The following ANO4 variants were observed in gnomAD, a reference collection of about 807,000 sequenced individuals.
ANO4 encodes anoctamin-4.
Under a neutral mutation model 141.9 loss-of-function variants are expected in ANO4, and 69 were observed. The ratio of observed to expected loss-of-function variants is 0.49; its 90% confidence interval spans 0.40 to 0.59. The LOEUF (loss-of-function observed/expected upper bound fraction) is 0.59, where lower values mean the gene tolerates loss of function less well. ANO4 is among the 20% of genes least tolerant of loss of function. The pLI is 0.00. For missense variants in ANO4, 894 were observed against 1,162.2 expected, an observed-to-expected ratio of 0.77 and a Z score of 3.36; for synonymous variants, 350 against 394.3, an observed-to-expected ratio of 0.89 and a Z score of 1.33.
At chr12:100,800,088 G>T (rs749369037) in intron 1 of ANO4, among the ~76,000 whole-genome samples, 13 of 152,132 alleles carry the variant, frequency 8.5e-5, no homozygotes, top group Non-Finnish European at 1.9e-4. Context: ...GTTTATGCTT[G>T]TGTGGAAATG....
At chr12:101,040,553 C>G (rs1032246623) in intron 11 of ANO4, among the ~76,000 whole-genome samples, 16 of 152,258 alleles carry the variant, frequency 1.1e-4, no homozygotes, top group Non-Finnish European at 1.9e-4. Flanking sequence ...ATCTGCAGAT[C>G]AAAAAGTATA....
chr12:101,119,527 A>C (rs2050995739), intron 25 of ANO4, among the ~76,000 whole-genome samples: 1 of 152,162 alleles, frequency 6.6e-6, no homozygotes, highest in Non-Finnish European at 1.5e-5. Context: ...AAACAACCAT[A>C]ATATAGTCAC....
At chr12:100,871,727 C>T (rs1406818325) in intron 1 of ANO4, among the ~76,000 whole-genome samples, 2 of 152,150 alleles carry the variant, frequency 1.3e-5, no homozygotes, top group African/African-American at 4.8e-5. Context: ...CATACATAGC[C>T]ATCTTCTCAC....
Position 101,042,487 on chromosome 12 carries a change from T to A in ANO4, c.1154+19T>A, listed in dbSNP as rs757397169. 2 of 1,613,440 alleles carry A rather than the reference T, an allele frequency of 1.2e-6. No homozygotes were observed. Among genetic ancestry groups the A allele is most frequent in the Non-Finnish European group, 1.7e-6 (2 of 1,179,484 alleles). On this transcript the variant is annotated intron_variant, in intron 12 of 27. Coordinates refer to ENST00000392977, the MANE Select transcript of ANO4 (RefSeq NM_001286615.2). ...AAGTCAGGTACGGGGAGCTCTTGGA[T>A]GAGTTTGCCTTTGTTTAGTACTTAG...
At chr12:100,929,720 A>T (rs1415929961) in intron 3 of ANO4, among the ~76,000 whole-genome samples, 1 of 152,124 alleles carries the variant, frequency 6.6e-6, no homozygotes, top group Non-Finnish European at 1.5e-5. Flanking sequence ...ACTGATTTAC[A>T]TTCCCACCAG....
At chr12:101,001,306 A>T (rs943460451) in intron 8 of ANO4, among the ~76,000 whole-genome samples, 4 of 152,226 alleles carry the variant, frequency 2.6e-5, no homozygotes, top group African/African-American at 9.6e-5. Flanking sequence ...AGGAAACAAC[A>T]GTGGTGAGAG....
chr12:101,072,281 C>G (rs1423218006), intron 14 of ANO4, among the ~76,000 whole-genome samples: 1 of 152,126 alleles, frequency 6.6e-6, no homozygotes, highest in African/African-American at 2.4e-5. Flanking sequence ...CTTCTTAACT[C>G]TTTGTCCAAA....
intron 1 of ANO4, among the ~76,000 whole-genome samples, chr12:100,884,202 A>G (rs1174961677): frequency 6.6e-6 from 1 of 152,270 alleles, no homozygotes; most frequent in Non-Finnish European, 1.5e-5. Flanking sequence ...TAAAGATCTA[A>G]TTGCACCATT....
intron 5 of ANO4, among the ~76,000 whole-genome samples, chr12:100,952,685 A>T (rs1427123652): frequency 6.6e-6 from 1 of 152,172 alleles, no homozygotes; most frequent in East Asian, 1.9e-4. Context: ...TTGTTAGGGC[A>T]GTTTTATCAA....
intron 3 of ANO4, among the ~76,000 whole-genome samples, chr12:100,778,188 G>T (rs1021516954): frequency 6.6e-6 from 1 of 152,074 alleles, no homozygotes. Context: ...CAAAGTGCTG[G>T]GATTACAGGT....
At chr12:101,053,218 G>C (rs1295302229) in intron 14 of ANO4, among the ~76,000 whole-genome samples, 4 of 152,198 alleles carry the variant, frequency 2.6e-5, no homozygotes, top group Non-Finnish European at 2.9e-5. Flanking sequence ...GTTCACCCAA[G>C]AAGAGATATT....
At chr12:101,008,468 C>T (rs1029449583) in intron 8 of ANO4, among the ~76,000 whole-genome samples, 1 of 152,116 alleles carries the variant, frequency 6.6e-6, no homozygotes, top group Non-Finnish European at 1.5e-5. Context: ...CCCTACAATT[C>T]TTACTACAGT....
At chr12:101,005,881 G>A (rs77175910) in intron 8 of ANO4, among the ~76,000 whole-genome samples, 7,121 of 151,868 alleles carry the variant, frequency 0.047, 217 homozygotes, top group Non-Finnish European at 0.072. Context: ...CTTTTCTATA[G>A]CATCCTTTCT....
chr12:101,018,956 G>GA (rs777500097), intron 8 of ANO4, among the ~76,000 whole-genome samples: 52 of 148,948 alleles, frequency 3.5e-4, no homozygotes, highest in Non-Finnish European at 5.8e-4. Context: ...ACGAACAAAT[G>GA]AAAAAAAAAT....
Position 100,929,427 on chromosome 12 carries a change from A to G in ANO4, c.160+7097A>G, listed in dbSNP as rs181949935. ...CATAATGACCTCCAGTTCCATCCAT[A>G]TTGTTGCAAATGACAGAATCTCATA... is the stretch of plus-strand genomic sequence containing the variant. On this transcript the variant is annotated intron_variant, in intron 3 of 27. Coordinates refer to ENST00000392977, the MANE Select transcript of ANO4 (RefSeq NM_001286615.2). Among the ~76,000 whole-genome samples, 654 of 152,084 alleles carry G rather than the reference A, an allele frequency of 4.3e-3. 4 individuals are homozygous for G. The highest frequency in any genetic ancestry group is 0.014 in the African/African-American group (593 of 41,502).
chr12:100,905,373 A>G (rs2040795877), intron 2 of ANO4, among the ~76,000 whole-genome samples: 1 of 152,098 alleles, frequency 6.6e-6, no homozygotes, highest in Non-Finnish European at 1.5e-5. Context: ...AACCACGAGC[A>G]AGAAGGCCAG....
chr12:101,009,740 C>G (rs556670000), intron 8 of ANO4, among the ~76,000 whole-genome samples: 1 of 152,178 alleles, frequency 6.6e-6, no homozygotes, highest in Non-Finnish European at 1.5e-5. Context: ...TGAACCCTTT[C>G]AACCTGTATA....
rs530767899 is a variant in ANO4 at position 101,099,626 on chromosome 12, A to T, written c.2055A>T (p.Gly685=). 4.5e-5 allele frequency: 73 copies of T among 1,612,124 alleles called. No individual in the cohort carries two copies. The highest frequency in any genetic ancestry group is 8.4e-5 in the Admixed American group (5 of 59,542). ...WTRRKVRQEH[G]PERKISFPQW... ...GAAGAAAAGTACGACAAGAACATGG[A>T]CCTGAAAGGAAAATAAGTTTCCCAC... The change falls in exon 22 of 28, where the codon GGA becomes GGT. Residue 685 remains glycine, a synonymous_variant. Transcript: ENST00000392977.
At chr12:100,874,786 C>A (rs1278226408) in intron 1 of ANO4, among the ~76,000 whole-genome samples, 1 of 152,118 alleles carries the variant, frequency 6.6e-6, no homozygotes, top group Non-Finnish European at 1.5e-5. Context: ...TCCCAAAGTT[C>A]TGGGATTCCA....
Sources: gnomAD v4.1 joint callset for allele counts (sites outside exome capture counted in the v4.1 genomes callset) on GRCh38, gnomAD v4.1.1 for gene constraint, MANE v1.5 for transcripts, NCBI Gene and HGNC (gene_info 2026-07-23, HGNC 2026-07-21) for gene names.